KAT6B: variants seen among roughly 807,000 people sequenced by gnomAD.
KAT6B encodes histone acetyltransferase KAT6B.
A neutral mutation model predicts 187.5 loss-of-function variants in KAT6B; 10 were observed. That is an observed-to-expected ratio of 0.05 (90% confidence interval 0.03 to 0.09). The LOEUF (loss-of-function observed/expected upper bound fraction) is 0.09, where lower values mean the gene tolerates loss of function less well. KAT6B is among the 10% of genes least tolerant of loss of function. The pLI is 1.00. For missense variants in KAT6B, 1,952 were observed against 2,558.9 expected (o/e 0.76, Z 5.12); for synonymous variants, 861 against 926.8 (o/e 0.93, Z 1.29).
At chr10:74,987,888 C>A (rs138742565) in intron 12 of KAT6B, among the ~76,000 whole-genome samples, 77 of 152,320 alleles carry the variant, frequency 5.1e-4, no homozygotes, top group African/African-American at 1.8e-3. Flanking sequence ...AGACGAATTA[C>A]TTGAACCTTT....
intron 17 of KAT6B, among the ~76,000 whole-genome samples, chr10:75,026,382 A>G (rs755671619): frequency 2.5e-4 from 38 of 152,140 alleles, no homozygotes; most frequent in Middle Eastern, 3.2e-3. Flanking sequence ...GGTTTATGGT[A>G]TACTCTCTCT....
chr10:74,920,016 C>T (rs1208679570), intron 3 of KAT6B, among the ~76,000 whole-genome samples: 1 of 152,010 alleles, frequency 6.6e-6, no homozygotes, highest in Non-Finnish European at 1.5e-5. Context: ...TCTGAAGTTC[C>T]TGTGGGTCTT....
intron 16 of KAT6B, 31 bp downstream of exon 16, chr10:75,022,262 G>A (rs771890484): frequency 1.8e-5 from 29 of 1,611,606 alleles, no homozygotes; most frequent in Admixed American, 3.3e-5. Context: ...TCTGTGAGTC[G>A]CGTTCAATCA....
chr10:74,876,982 G>A (rs1413511013), intron 3 of KAT6B, among the ~76,000 whole-genome samples: 3 of 151,570 alleles, frequency 2.0e-5, no homozygotes, highest in East Asian at 1.9e-4. Flanking sequence ...GACAGATTCC[G>A]TCTCAGAAAA....
At chr10:74,969,880 A>G in intron 5 of KAT6B, 105 bp downstream of exon 5, 3 of 988,202 alleles carry the variant, frequency 3.0e-6, no homozygotes, top group South Asian at 1.3e-5. Context: ...AAAGCTTTAA[A>G]TACACATGAT....
At chr10:74,889,395 C>G (rs911585015) in intron 3 of KAT6B, among the ~76,000 whole-genome samples, 2 of 152,092 alleles carry the variant, frequency 1.3e-5, no homozygotes, top group Non-Finnish European at 2.9e-5. Flanking sequence ...GTTGATAGAG[C>G]GTTCAGCTTC....
intron 3 of KAT6B, among the ~76,000 whole-genome samples, chr10:74,896,585 C>T (rs367863408): frequency 1.4e-4 from 22 of 152,348 alleles, no homozygotes; most frequent in South Asian, 8.3e-4. Context: ...CCACAACACC[C>T]GGCCTATTTG....
At chr10:75,007,240 G>A (rs1048108286) in intron 13 of KAT6B, among the ~76,000 whole-genome samples, 1 of 152,082 alleles carries the variant, frequency 6.6e-6, no homozygotes, top group African/African-American at 2.4e-5. Context: ...CTTGCCAGTG[G>A]ATGGAACCCA....
intron 3 of KAT6B, among the ~76,000 whole-genome samples, chr10:74,877,898 C>T (rs1844539312): frequency 6.6e-6 from 1 of 151,556 alleles, no homozygotes; most frequent in South Asian, 2.1e-4. Flanking sequence ...CTGCTTCATC[C>T]TCCCCACTAA....
chr10:74,847,160 T>C (rs918074676), intron 3 of KAT6B, among the ~76,000 whole-genome samples: 1 of 152,248 alleles, frequency 6.6e-6, no homozygotes, highest in Non-Finnish European at 1.5e-5. Context: ...CAGGCAATTG[T>C]TACTGCTCTT....
intron 3 of KAT6B, among the ~76,000 whole-genome samples, chr10:74,857,063 C>G (rs938578499): frequency 6.6e-6 from 1 of 152,144 alleles, no homozygotes; most frequent in Non-Finnish European, 1.5e-5. Flanking sequence ...ATAAAGGCGC[C>G]TTTTCCCTTT....
In KAT6B at chr10:74,896,926, T is replaced by C. The variant is rs73285869; in HGVS notation, c.621+53448T>C. Among the ~76,000 whole-genome samples, 1,126 of 152,338 alleles carry C rather than the reference T, an allele frequency of 7.4e-3. 13 individuals carry two copies. Among genetic ancestry groups the C allele is most frequent in the African/African-American group, 0.025 (1,036 of 41,580 alleles). On this transcript the variant is annotated intron_variant, in intron 3 of 17. Coordinates refer to ENST00000287239, the MANE Select transcript of KAT6B (RefSeq NM_012330.4). ...AGATCAGCATTGAACCAAAGTATTA[T>C]GATGATTAATTTCCTTCTGTTAAAT...
rs760373269 is a variant in KAT6B, at chr10:74,843,007, G to A, written c.150G>A (p.Gln50=). Residue 50 remains glutamine, a synonymous_variant, in exon 3 of 18, where the codon CAG becomes CAA. Transcript: ENST00000287239. ...TGGATAAGAAGACAGTCTCTGAACA[G>A]CTGGAACTCAGTGTTCAGGATGGCT... ...HGLDKKTVSE[Q]LELSVQDGSV... 1 of 1,614,048 alleles carries A rather than the reference G, an allele frequency of 6.2e-7. No individual in the cohort carries two copies. Among genetic ancestry groups the A allele is most frequent in the African/African-American group, 1.3e-5 (1 of 74,930 alleles).
chr10:74,837,869 CTG>C (rs1468132251), intron 1 of KAT6B, among the ~76,000 whole-genome samples: 21 of 145,702 alleles, frequency 1.4e-4, no homozygotes, highest in Admixed American at 9.0e-4. Context: ...TTTTTGAACA[CTG>C]TGATTCTGCT....
Position 74,842,783 on chromosome 10 carries a change from A to C in KAT6B, c.-75A>C. The C allele has an allele frequency of 6.6e-7, 1 of 1,521,020 alleles. No individual in the cohort carries two copies. The highest frequency in any genetic ancestry group is 9.1e-7 in the Non-Finnish European group (1 of 1,101,200). 94.2% of individuals were successfully genotyped at this position (1,521,020 alleles called of 1,614,324 possible). On this transcript the variant is annotated 5_prime_UTR_variant, in exon 3 of 18. Coordinates refer to ENST00000287239, the MANE Select transcript of KAT6B (RefSeq NM_012330.4). ...ATTTGTTGAATTGTAAATGACTTTC[A>C]AATGTGCAAGTTCTGTTAAATACAA...
chr10:74,881,353 C>T (rs1844838525), intron 3 of KAT6B, among the ~76,000 whole-genome samples: 1 of 152,114 alleles, frequency 6.6e-6, no homozygotes, highest in South Asian at 2.1e-4. Context: ...TTCACCTCGT[C>T]CATAAGGTTG....
chr10:74,902,435 C>T (rs369993701), intron 3 of KAT6B, among the ~76,000 whole-genome samples: 3 of 151,992 alleles, frequency 2.0e-5, no homozygotes, highest in African/African-American at 4.8e-5. Flanking sequence ...AATATAAATG[C>T]GTGTAGATAT....
intron 3 of KAT6B, among the ~76,000 whole-genome samples, chr10:74,867,887 ACT>A (rs760528204): frequency 4.6e-5 from 7 of 152,152 alleles, no homozygotes. Flanking sequence ...CCCTTTTGAC[ACT>A]GTTTTCTGTT....
At chr10:75,020,839 C>T in intron 14 of KAT6B, 26 bp downstream of exon 14, 6 of 1,595,976 alleles carry the variant, frequency 3.8e-6, no homozygotes, top group South Asian at 1.1e-5. Flanking sequence ...CTGGGCAGCT[C>T]CGTGGCTCAG....
Sources: gnomAD v4.1 joint callset for allele counts (sites outside exome capture counted in the v4.1 genomes callset) on GRCh38, gnomAD v4.1.1 for gene constraint, MANE v1.5 for transcripts, NCBI Gene and HGNC (gene_info 2026-07-23, HGNC 2026-07-21) for gene names.